ERG: variants seen among roughly 807,000 people sequenced by gnomAD.
ERG encodes the protein transcriptional regulator ERG.
A neutral mutation model predicts 55.3 loss-of-function variants in ERG; 9 were observed. The ratio of observed to expected loss-of-function variants is 0.16; its 90% CI spans 0.10 to 0.28. ERG has a LOEUF of 0.28. Among genes scored for constraint, ERG ranks in the 10% least tolerant of loss-of-function variants. The probability of loss-of-function intolerance (pLI) is 1.00; values close to 1 mark genes in which losing one functional copy is unlikely to be tolerated. For synonymous variants in ERG, 223 were observed against 237.3 expected, an observed-to-expected ratio of 0.94 and a Z score of 0.55; for missense variants, 434 against 631.6, an observed-to-expected ratio of 0.69 and a Z score of 3.35.
chr21:38,489,675 G>C (rs1347023419), intron 1 of ERG, among the ~76,000 whole-genome samples: 2 of 152,242 alleles, frequency 1.3e-5, no homozygotes, highest in East Asian at 3.8e-4. Flanking sequence ...GAGATGTGTA[G>C]TGGCTGCTTT....
At chr21:38,634,347 G>T (rs1357223196) in intron 1 of ERG, among the ~76,000 whole-genome samples, 1 of 152,144 alleles carries the variant, frequency 6.6e-6, no homozygotes, top group Non-Finnish European at 1.5e-5. Flanking sequence ...CATATTTGAG[G>T]TCGATATGAG....
At chr21:38,418,131 C>A (rs930187387) in intron 3 of ERG, among the ~76,000 whole-genome samples, 2 of 152,038 alleles carry the variant, frequency 1.3e-5, no homozygotes, top group African/African-American at 4.8e-5. Flanking sequence ...AAAAATAATT[C>A]AAGTCTATTA....
At chr21:38,373,452 A>C in the ERG span, among the ~76,000 whole-genome samples, 13 of 152,308 alleles carry the variant, frequency 8.5e-5, no homozygotes, top group African/African-American at 2.9e-4. Context: ...ATTTCCCTCC[A>C]CAGAAAGGTC....
chr21:38,555,266 G>A (rs2146825061), intron 2 of ERG, among the ~76,000 whole-genome samples: 1 of 151,910 alleles, frequency 6.6e-6, no homozygotes, highest in South Asian at 2.1e-4. Context: ...GACGGAGGCT[G>A]CAGTGAGCTG....
chr21:38,376,864 C>G (rs770793797), downstream of ERG, among the ~76,000 whole-genome samples: 52 of 152,202 alleles, frequency 3.4e-4, 1 homozygote, highest in Non-Finnish European at 5.9e-5. Context: ...GCCTGCGTCC[C>G]CAGCAAGCAG....
chr21:38,404,819 T>G (rs2146459608), intron 3 of ERG, among the ~76,000 whole-genome samples: 1 of 152,342 alleles, frequency 6.6e-6, no homozygotes, highest in South Asian at 2.1e-4. Flanking sequence ...ACATTTTAGC[T>G]AATACTTTCA....
At chr21:38,506,146 T>C (rs990505601) in intron 2 of ERG, among the ~76,000 whole-genome samples, 4 of 152,126 alleles carry the variant, frequency 2.6e-5, no homozygotes, top group African/African-American at 9.7e-5. Context: ...GGGGGTGAGA[T>C]TTGTCCATGG....
At position 38,420,854 on chromosome 21, in the gene ERG, G is replaced by T. The variant is rs76615908; in HGVS notation, c.388+2556C>A. 1.7e-3 allele frequency among the ~76,000 whole-genome samples: 252 copies of T among 152,254 alleles called. 6 individuals carry two copies. The East Asian group carries it at 0.041, about 25-fold the overall frequency. ...ACCAAGCAAGGAATCTTCAGTGCAGGCCCCCTCAGATGGATTCTCTCATCT... is the reference window on the plus strand; with the variant it reads ...ACCAAGCAAGGAATCTTCAGTGCAGTCCCCCTCAGATGGATTCTCTCATCT... On this transcript the variant is annotated intron_variant, in intron 3 of 9. Coordinates refer to ENST00000288319, the MANE Select transcript of ERG (RefSeq NM_182918.4).
At chr21:38,406,974 T>C (rs1348525862) in intron 3 of ERG, among the ~76,000 whole-genome samples, 1 of 152,196 alleles carries the variant, frequency 6.6e-6, no homozygotes, top group Non-Finnish European at 1.5e-5. Context: ...AAGTCTCACT[T>C]TGAGTTGGTA....
At chr21:38,586,483 A>T (rs1396002990), upstream of ERG, among the ~76,000 whole-genome samples, 1 of 152,076 alleles carries the variant, frequency 6.6e-6, no homozygotes, top group East Asian at 1.9e-4. Flanking sequence ...TACGCTCAAC[A>T]TCACTAATCA....
intron 1 of ERG, among the ~76,000 whole-genome samples, chr21:38,479,134 A>G (rs1601103113): frequency 1.3e-5 from 2 of 152,244 alleles, no homozygotes; most frequent in Non-Finnish European, 2.9e-5. Flanking sequence ...TAACAATATA[A>G]TGGTTAATAT....
intron 2 of ERG, among the ~76,000 whole-genome samples, chr21:38,535,452 T>C (rs2059702714): frequency 1.3e-5 from 2 of 152,190 alleles, no homozygotes; most frequent in Non-Finnish European, 2.9e-5. Context: ...AAGATTAAAT[T>C]AAAAAATAAA....
chr21:38,631,539 C>T lies in ERG; in HGVS notation c.-150+30119G>A, dbSNP rs145783767. On this transcript the variant is annotated intron_variant, in intron 1 of 10. Coordinates refer to the ERG transcript ENST00000398910. Reference sequence around the variant, plus strand: ...GCCTGGGAAGATTTTTATAGCCTTCCCGTCCTTTAAGGGATGGCGTGGTCC... The same window carrying T: ...GCCTGGGAAGATTTTTATAGCCTTCTCGTCCTTTAAGGGATGGCGTGGTCC... Among the ~76,000 whole-genome samples, 202 of 152,222 alleles carry T rather than the reference C, an allele frequency of 1.3e-3. 2 individuals are homozygous for T. Among genetic ancestry groups the T allele is most frequent in the Admixed American group, 0.011 (171 of 15,300 alleles).
intron 1 of ERG, among the ~76,000 whole-genome samples, chr21:38,654,365 G>A (rs991153934): frequency 5.3e-5 from 8 of 152,184 alleles, no homozygotes; most frequent in African/African-American, 1.2e-4. Flanking sequence ...CCAGCTACTC[G>A]GGAGGCTGAG....
At chr21:38,387,818 G>C (rs888448081) in intron 9 of ERG, among the ~76,000 whole-genome samples, 1 of 152,162 alleles carries the variant, frequency 6.6e-6, no homozygotes, top group Non-Finnish European at 1.5e-5. Context: ...TACATGTATT[G>C]GTTTATTTAA....
intron 1 of ERG, among the ~76,000 whole-genome samples, chr21:38,609,037 T>C (rs193258210): frequency 2.0e-5 from 3 of 152,350 alleles, no homozygotes; most frequent in African/African-American, 7.2e-5. Flanking sequence ...AGTGTCTTTC[T>C]TGGGGACAAG....
At chr21:38,396,525 T>C (rs548664395) in intron 6 of ERG, among the ~76,000 whole-genome samples, 204 of 152,334 alleles carry the variant, frequency 1.3e-3, no homozygotes, top group African/African-American at 4.7e-3. Flanking sequence ...AGCTTCAAAG[T>C]AGAAGCAAAG....
intron 2 of ERG, among the ~76,000 whole-genome samples, chr21:38,540,081 A>G (rs1025952138): frequency 6.6e-6 from 1 of 151,914 alleles, no homozygotes; most frequent in African/African-American, 2.4e-5. Context: ...ATTTTAGTAG[A>G]TACGGGGTTT....
intron 1 of ERG, among the ~76,000 whole-genome samples, chr21:38,614,419 C>G (rs1422438209): frequency 6.6e-6 from 1 of 152,184 alleles, no homozygotes; most frequent in Non-Finnish European, 1.5e-5. Flanking sequence ...TGTATGTAGA[C>G]ATCTACTCTG....
Sources: gnomAD v4.1 joint callset for allele counts (sites outside exome capture counted in the v4.1 genomes callset) on GRCh38, gnomAD v4.1.1 for gene constraint, MANE v1.5 for transcripts, NCBI Gene and HGNC (gene_info 2026-07-23, HGNC 2026-07-21) for gene names.